RASGRF2: variants seen among roughly 807,000 people sequenced by gnomAD.
RASGRF2 encodes the protein ras-specific guanine nucleotide-releasing factor 2.
In RASGRF2, 76 loss-of-function variants were observed where a neutral mutation model predicts 151.0. That is an observed-to-expected ratio of 0.50 (90% CI 0.42 to 0.61). RASGRF2 has a LOEUF of 0.61. Ranked by LOEUF, RASGRF2 falls within the 20% of genes least tolerant of loss-of-function variation. RASGRF2 has a pLI of 0.00. For synonymous variants in RASGRF2, 504 were observed against 566.5 expected, an observed-to-expected ratio of 0.89 and a Z score of 1.57; for missense variants, 1,148 against 1,564.6, an observed-to-expected ratio of 0.73 and a Z score of 4.49.
At chr5:81,049,409 C>CT (rs1263001070) in intron 2 of RASGRF2, among the ~76,000 whole-genome samples, 1 of 152,084 alleles carries the variant, frequency 6.6e-6, no homozygotes, top group Non-Finnish European at 1.5e-5. Context: ...TGGAGGGTTT[C>CT]TTTTAACATT....
chr5:81,204,689 C>A (rs1040137169), intron 19 of RASGRF2, among the ~76,000 whole-genome samples: 1 of 152,096 alleles, frequency 6.6e-6, no homozygotes. Context: ...ACCCAACATG[C>A]CACAAAATAA....
chr5:81,116,078 T>TC (rs1753146528), intron 15 of RASGRF2, among the ~76,000 whole-genome samples: 2 of 101,792 alleles, frequency 2.0e-5, no homozygotes, highest in African/African-American at 9.4e-5. Context: ...TTTTTTTTTT[T>TC]TTTTTTTTTT....
In RASGRF2 at chr5:80,972,500, G is replaced by A. The variant is rs547353361; in HGVS notation, c.288+11474G>A. Among the ~76,000 whole-genome samples, 4 of 150,652 alleles carry A rather than the reference G, an allele frequency of 2.7e-5. No homozygotes were observed. The East Asian group carries it at 7.8e-4, about 29-fold the overall frequency. On this transcript the variant is annotated intron_variant, in intron 1 of 26. Coordinates refer to ENST00000265080, the MANE Select transcript of RASGRF2 (RefSeq NM_006909.3). The stretch of plus-strand genomic sequence containing the variant: ...ATTGGTCTCTGTTTTTTTCTTCTGA[G>A]CCAGAGTCTTGCTCTGTCACCCAGG...
At chr5:81,185,995 G>A (rs901782928) in intron 18 of RASGRF2, among the ~76,000 whole-genome samples, 27 of 152,282 alleles carry the variant, frequency 1.8e-4, no homozygotes, top group South Asian at 6.2e-4. Context: ...TGATGATTCC[G>A]TTATTACTTA....
intron 1 of RASGRF2, among the ~76,000 whole-genome samples, chr5:81,010,946 G>C (rs1449285508): frequency 6.6e-6 from 1 of 152,082 alleles, no homozygotes; most frequent in African/African-American, 2.4e-5. Context: ...TTTTCACATT[G>C]CTATGTTGCA....
At chr5:81,170,641 G>A (rs1305019751) in intron 17 of RASGRF2, among the ~76,000 whole-genome samples, 1 of 152,084 alleles carries the variant, frequency 6.6e-6, no homozygotes, top group Non-Finnish European at 1.5e-5. Flanking sequence ...CAACTCCTGT[G>A]TTTCTCCTTA....
chr5:81,176,367 T>C (rs891130175), intron 17 of RASGRF2, among the ~76,000 whole-genome samples: 1 of 152,168 alleles, frequency 6.6e-6, no homozygotes, highest in Non-Finnish European at 1.5e-5. Flanking sequence ...TAGCAAATAT[T>C]TGGGGGGCTT....
intron 7 of RASGRF2, among the ~76,000 whole-genome samples, chr5:81,081,263 C>T (rs1752077354): frequency 6.6e-6 from 1 of 152,158 alleles, no homozygotes. Flanking sequence ...TTGAGTCTCC[C>T]CTCGGCTGGA....
At chr5:81,178,540 T>G (rs1419441444) in intron 17 of RASGRF2, among the ~76,000 whole-genome samples, 1 of 152,226 alleles carries the variant, frequency 6.6e-6, no homozygotes, top group Non-Finnish European at 1.5e-5. Flanking sequence ...ATGACTAATT[T>G]GCTTGTAGGT....
At chr5:81,004,175 T>C (rs985905460) in intron 1 of RASGRF2, among the ~76,000 whole-genome samples, 8 of 152,236 alleles carry the variant, frequency 5.3e-5, no homozygotes, top group African/African-American at 1.9e-4. Flanking sequence ...CATGTAAGGT[T>C]CTCTGGAAGG....
chr5:80,991,899 G>A (rs1748663173), intron 1 of RASGRF2, among the ~76,000 whole-genome samples: 1 of 152,190 alleles, frequency 6.6e-6, no homozygotes, highest in Non-Finnish European at 1.5e-5. Flanking sequence ...CCTTAGGTAA[G>A]AAAGTGCTGC....
chr5:81,122,353 T>G (rs756290115), intron 15 of RASGRF2, among the ~76,000 whole-genome samples: 22 of 152,136 alleles, frequency 1.4e-4, no homozygotes, highest in Non-Finnish European at 2.9e-4. Context: ...GGGCAGTTAT[T>G]TAGAAAATAA....
chr5:80,995,796 G>A (rs374122557), intron 1 of RASGRF2, among the ~76,000 whole-genome samples: 32 of 146,462 alleles, frequency 2.2e-4, no homozygotes, highest in Admixed American at 1.5e-3. Context: ...GGGTTCAAGC[G>A]ATTCTCCCAC....
intron 18 of RASGRF2, chr5:81,183,235 A>T: frequency 1.0e-6 from 1 of 980,634 alleles, no homozygotes; most frequent in Non-Finnish European, 1.2e-6. Flanking sequence ...ATCAATCAAG[A>T]TGTAGATTTA....
intron 8 of RASGRF2, among the ~76,000 whole-genome samples, 159 bp from the exon 9 acceptor site, chr5:81,086,676 C>A (rs1752236078): frequency 6.6e-6 from 1 of 152,134 alleles, no homozygotes; most frequent in African/African-American, 2.4e-5. Context: ...TTGGTCATGA[C>A]CTGTTGAAGC....
chr5:81,117,395 G>A (rs560509729), intron 15 of RASGRF2, among the ~76,000 whole-genome samples: 26 of 152,272 alleles, frequency 1.7e-4, no homozygotes, highest in South Asian at 1.0e-3. Flanking sequence ...ACACATAGAC[G>A]TGAAAGAGAG....
At chr5:81,052,014 A>G (rs890206580) in intron 2 of RASGRF2, among the ~76,000 whole-genome samples, 2 of 152,170 alleles carry the variant, frequency 1.3e-5, no homozygotes, top group African/African-American at 2.4e-5. Context: ...TAGAGTCTTT[A>G]TACGTTCTCA....
chr5:81,200,522 A>T (rs906706805), intron 18 of RASGRF2, among the ~76,000 whole-genome samples: 2 of 152,186 alleles, frequency 1.3e-5, no homozygotes, highest in Admixed American at 6.5e-5. Context: ...AGCTCTTAGC[A>T]TATCTATATT....
chr5:80,968,436 T>C (rs1359469443), intron 1 of RASGRF2, among the ~76,000 whole-genome samples: 2 of 152,228 alleles, frequency 1.3e-5, no homozygotes, highest in East Asian at 3.9e-4. Flanking sequence ...CTTTTTTCCT[T>C]TTTGGCATAG....
Sources: gnomAD v4.1 joint callset for allele counts (sites outside exome capture counted in the v4.1 genomes callset) on GRCh38, gnomAD v4.1.1 for gene constraint, MANE v1.5 for transcripts, NCBI Gene and HGNC (gene_info 2026-07-23, HGNC 2026-07-21) for gene names.